Variants in RXRG observed in about 807,000 individuals in gnomAD.
RXRG encodes the protein retinoid X receptor gamma, also known as retinoic acid receptor RXR-gamma.
In RXRG, 19 loss-of-function variants were observed where a neutral mutation model predicts 49.2. The observed-to-expected ratio is 0.39, with a 90% CI of 0.27 to 0.57. RXRG has a LOEUF of 0.57. Ranked by LOEUF, RXRG falls within the 20% of genes least tolerant of loss-of-function variation. RXRG has a pLI of 0.64. For synonymous variants in RXRG, 224 were observed against 216.6 expected (o/e 1.03, Z -0.30); for missense variants, 452 against 592.5 (o/e 0.76, Z 2.46).
chr1:165,437,714 G>A (rs1658858104), intron 1 of RXRG, among the ~76,000 whole-genome samples: 1 of 152,150 alleles, frequency 6.6e-6, no homozygotes. Context: ...AACACTCATT[G>A]ACATCTGCCT....
At chr1:165,401,553 C>T in intron 9 of RXRG, 143 bp from the exon 10 acceptor site, 1 of 873,820 alleles carries the variant, frequency 1.1e-6, no homozygotes, top group Non-Finnish European at 1.8e-6. Context: ...GTCACAGAAT[C>T]TCTAAGCCTA....
intron 1 of RXRG, among the ~76,000 whole-genome samples, chr1:165,429,920 C>T (rs1482525475): frequency 6.6e-6 from 1 of 152,134 alleles, no homozygotes; most frequent in Non-Finnish European, 1.5e-5. Flanking sequence ...CCGCATGGAA[C>T]ATTCTCTCCA....
At position 165,417,086 on chromosome 1, in the gene RXRG, A is replaced by G. The variant is rs978717203; in HGVS notation, c.577T>C (p.Tyr193His). The G allele has an allele frequency of 2.5e-6, 4 of 1,614,064 alleles. No individual in the cohort carries two copies. In the African/African-American group the frequency reaches 4.0e-5, roughly 16 times the overall value. ...ACAAGGCACTTCTGATAGCGACAGT[A>G]CTGGCAGCGGTTGCGCTGACGCTTG... ...IDKRQRNRCQ[Y>H]CRYQKCLVMG... The change falls in exon 4 of 10, where the codon TAC (tyrosine) becomes CAC (histidine). Residue 193 changes from tyrosine to histidine, a missense_variant. Physicochemically the swap from Tyr to His is moderately conservative, Grantham distance 83. Coordinates refer to ENST00000359842, the MANE Select transcript of RXRG (RefSeq NM_006917.5).
intron 1 of RXRG, among the ~76,000 whole-genome samples, chr1:165,436,291 G>A (rs1658814519): frequency 6.6e-6 from 1 of 152,194 alleles, no homozygotes; most frequent in Admixed American, 6.5e-5. Context: ...TGGCAGGAAG[G>A]GGAGTAGAGG....
intron 2 of RXRG, among the ~76,000 whole-genome samples, chr1:165,425,179 T>C (rs1050755638): frequency 1.3e-5 from 2 of 152,338 alleles, no homozygotes; most frequent in East Asian, 1.9e-4. Flanking sequence ...TGACTGGCCA[T>C]GTTTGGCTCA....
At chr1:165,429,890 C>T (rs554854326) in intron 1 of RXRG, among the ~76,000 whole-genome samples, 2 of 152,194 alleles carry the variant, frequency 1.3e-5, no homozygotes, top group Admixed American at 1.3e-4. Context: ...GGAGAGTGCC[C>T]TCCTGTCATC....
intron 2 of RXRG, among the ~76,000 whole-genome samples, chr1:165,421,211 CTA>C (rs1486510866): frequency 6.6e-6 from 1 of 152,136 alleles, no homozygotes; most frequent in Non-Finnish European, 1.5e-5. Flanking sequence ...CAGTTAAACA[CTA>C]TGAGGGATAC....
chr1:165,420,041 C>A, intron 2 of RXRG, 27 bp from the exon 3 acceptor site: 1 of 1,550,144 alleles, frequency 6.5e-7, no homozygotes, highest in South Asian at 1.2e-5. Context: ...TACTGTAAAG[C>A]ACAGAGCCAG....
intron 2 of RXRG, among the ~76,000 whole-genome samples, chr1:165,423,670 A>G (rs1352924208): frequency 2.0e-5 from 2 of 101,028 alleles, no homozygotes; most frequent in African/African-American, 7.9e-5. Flanking sequence ...CAAAGACTCT[A>G]TTTCCCCATT....
intron 1 of RXRG, among the ~76,000 whole-genome samples, chr1:165,438,111 G>A (rs1245575276): frequency 6.6e-6 from 1 of 152,148 alleles, no homozygotes; most frequent in Non-Finnish European, 1.5e-5. Context: ...TGGCCTCCAG[G>A]AGGGGCCCCT....
At chr1:165,417,246 TA>T (rs745792858) in intron 3 of RXRG, 26 bp from the exon 4 acceptor site, 24 of 1,571,140 alleles carry the variant, frequency 1.5e-5, no homozygotes, top group Middle Eastern at 3.4e-4. Flanking sequence ...GAACATTCCA[TA>T]GATTGTTCTT....
intron 4 of RXRG, among the ~76,000 whole-genome samples, 187 bp downstream of exon 4, chr1:165,416,854 C>G (rs897392406): frequency 2.6e-5 from 4 of 152,190 alleles, no homozygotes; most frequent in Non-Finnish European, 5.9e-5. Context: ...AATTGCAATA[C>G]ACGAGTACCC....
At chr1:165,420,813 C>G (rs1658288283) in intron 2 of RXRG, among the ~76,000 whole-genome samples, 1 of 152,208 alleles carries the variant, frequency 6.6e-6, no homozygotes, top group South Asian at 2.1e-4. Flanking sequence ...GAAGGTATAT[C>G]TCTCATTCCT....
At chr1:165,412,491 C>A (rs926071723) in intron 4 of RXRG, among the ~76,000 whole-genome samples, 1 of 152,200 alleles carries the variant, frequency 6.6e-6, no homozygotes, top group Non-Finnish European at 1.5e-5. Flanking sequence ...TATAACTCTA[C>A]CCCTTCCTTG....
intron 9 of RXRG, among the ~76,000 whole-genome samples, chr1:165,403,780 C>G (rs1657659328): frequency 6.6e-6 from 1 of 152,190 alleles, no homozygotes; most frequent in South Asian, 2.1e-4. Flanking sequence ...CTAAAAAGGC[C>G]ACGATTTTAC....
chr1:165,439,136 T>C (rs951513697), intron 1 of RXRG, among the ~76,000 whole-genome samples: 4 of 151,890 alleles, frequency 2.6e-5, no homozygotes, highest in African/African-American at 9.7e-5. Context: ...TTAGACTGAT[T>C]TTTCTCTCAA....
At chr1:165,419,738 C>T (rs552860959) in intron 3 of RXRG, 132 bp downstream of exon 3, 12 of 638,300 alleles carry the variant, frequency 1.9e-5, no homozygotes, top group East Asian at 9.0e-5. Context: ...GTGACATAAA[C>T]GTATAGGTGG....
chr1:165,408,152 T>C (rs283692), intron 8 of RXRG, 75 bp downstream of exon 8: 1,146,171 of 1,146,956 alleles, frequency 1, 572,694 homozygotes, highest in East Asian at 1. Flanking sequence ...GGAGGACCAA[T>C]AACATGGGAG....
chr1:165,415,010 C>T (rs1012579027), intron 4 of RXRG, among the ~76,000 whole-genome samples: 4 of 152,242 alleles, frequency 2.6e-5, no homozygotes, highest in South Asian at 4.1e-4. Flanking sequence ...ATGAAGCCCC[C>T]GCCTTCATGG....
Sources: gnomAD v4.1 joint callset for allele counts (sites outside exome capture counted in the v4.1 genomes callset) on GRCh38, gnomAD v4.1.1 for gene constraint, MANE v1.5 for transcripts, NCBI Gene and HGNC (gene_info 2026-07-23, HGNC 2026-07-21) for gene names.